The following KIFBP variants were observed in gnomAD, a reference collection of about 807,000 sequenced individuals.
KIFBP encodes the protein KIF-binding protein.
A neutral mutation model predicts 58.9 loss-of-function variants in KIFBP; 46 were observed. The observed-to-expected ratio is 0.78, with a 90% CI of 0.62 to 1.00. The LOEUF (loss-of-function observed/expected upper bound fraction) is 1.00, where lower values mean the gene tolerates loss of function less well. Ranked by LOEUF, KIFBP falls within the 50% of genes least tolerant of loss-of-function variation. The pLI is 0.00. For synonymous variants in KIFBP, 241 were observed against 283.4 expected (o/e 0.85, Z 1.50); for missense variants, 651 against 752.9 (o/e 0.86, Z 1.58).
intron 1 of KIFBP, among the ~76,000 whole-genome samples, chr10:68,998,155 G>C (rs1006604424): frequency 1.1e-4 from 16 of 152,170 alleles, no homozygotes; most frequent in African/African-American, 3.9e-4. Context: ...CATGTTACAT[G>C]TTAGTCAGGC....
At chr10:68,998,508 A>T (rs956159756) in intron 1 of KIFBP, among the ~76,000 whole-genome samples, 2 of 151,572 alleles carry the variant, frequency 1.3e-5, no homozygotes, top group African/African-American at 4.8e-5. Flanking sequence ...TTTTAATAGG[A>T]GATTGGTGAA....
rs566503658 is a variant in KIFBP, at chr10:69,011,151, C to A, written c.990+136C>A. The A allele has an allele frequency of 1.9e-4, 132 of 701,118 alleles. 1 individual carries two copies. The South Asian group carries it at 1.9e-3, about 10-fold the overall frequency. 43.4% of individuals were successfully genotyped at this position (701,118 alleles called of 1,614,324 possible). ...GTGTAGAATGTTTTCGTAAATATTT[C>A]TTTCTTGGTTTTAAATCGTATTCTT... On this transcript the variant is annotated intron_variant, in intron 6 of 6. Transcript: ENST00000361983.
In KIFBP at chr10:69,010,033, G is replaced by A. The variant is rs539439433; in HGVS notation, c.875-867G>A. ...TTATAGATTAGTTGAAGTCTAAGAG[G>A]CACTTGTCTCAAAAAATGAATAAAA... is the stretch of plus-strand genomic sequence containing the variant. On this transcript the variant is annotated intron_variant, in intron 5 of 6. Coordinates refer to ENST00000361983, the MANE Select transcript of KIFBP (RefSeq NM_015634.4). Among the ~76,000 whole-genome samples the A allele has an allele frequency of 3.3e-5, 5 of 152,026 alleles. No homozygotes were observed. In the South Asian group the frequency reaches 8.3e-4, roughly 25 times the overall value.
intron 1 of KIFBP, among the ~76,000 whole-genome samples, chr10:68,998,254 A>G (rs1843427487): frequency 6.6e-6 from 1 of 152,194 alleles, no homozygotes; most frequent in South Asian, 2.1e-4. Context: ...CCCAGCCCAA[A>G]AGATTTTTAA....
chr10:69,002,306 C>T (rs967005860), intron 2 of KIFBP, among the ~76,000 whole-genome samples: 2 of 151,796 alleles, frequency 1.3e-5, no homozygotes, highest in African/African-American at 4.8e-5. Flanking sequence ...ATTATAGGTG[C>T]CCGCCACCAT....
intron 1 of KIFBP, among the ~76,000 whole-genome samples, chr10:68,993,418 A>G (rs56874268): frequency 0.038 from 5,762 of 151,918 alleles, 355 homozygotes; most frequent in African/African-American, 0.13. Context: ...CCCCTCACTA[A>G]TTGTTCACCC....
intron 5 of KIFBP, among the ~76,000 whole-genome samples, chr10:69,010,433 T>G (rs979919178): frequency 1.3e-5 from 2 of 152,198 alleles, no homozygotes; most frequent in Non-Finnish European, 2.9e-5. Flanking sequence ...CTTTGTAGAT[T>G]ACAGCAAGAA....
At chr10:69,001,768 T>C (rs1843468722) in intron 2 of KIFBP, among the ~76,000 whole-genome samples, 2 of 151,644 alleles carry the variant, frequency 1.3e-5, no homozygotes, top group Admixed American at 6.6e-5. Flanking sequence ...AAAAAATCCA[T>C]TAATAAAGTG....
At position 68,989,090 on chromosome 10, in the gene KIFBP, C is replaced by A; in HGVS notation, c.258C>A (p.Pro86=). 2 of 1,610,730 alleles carry A rather than the reference C, an allele frequency of 1.2e-6. No homozygotes were observed. The highest frequency in any genetic ancestry group is 1.7e-6 in the Non-Finnish European group (2 of 1,177,920). ...CTGAGGTGGTGGAGCCCGAGGGGCCCGTCGCCCAGCGAGCGGTGAGGCTGG... is the reference window on the plus strand; with the variant it reads ...CTGAGGTGGTGGAGCCCGAGGGGCCAGTCGCCCAGCGAGCGGTGAGGCTGG... The part of the protein sequence containing the change: ...LPAEVVEPEG[P]VAQRAVRLAV... The change falls in exon 1 of 7, where the codon CCC becomes CCA. Residue 86 remains proline, a synonymous_variant. Coordinates refer to ENST00000361983, the MANE Select transcript of KIFBP (RefSeq NM_015634.4).
At chr10:69,005,609 G>A in intron 3 of KIFBP, 123 bp from the exon 4 acceptor site, 2 of 720,528 alleles carry the variant, frequency 2.8e-6, no homozygotes, top group South Asian at 3.4e-5. Context: ...CCAGGAGGCG[G>A]AGGCAGTGAG....
rs1378274476 is a variant in KIFBP, at chr10:69,016,092, G to C, written c.1542G>C (p.Leu514=). 3 of 1,613,942 alleles carry C rather than the reference G, an allele frequency of 1.9e-6. No homozygotes were observed. The highest frequency in any genetic ancestry group is 2.5e-6 in the Non-Finnish European group (3 of 1,179,964). The change falls in exon 7 of 7, where the codon CTG becomes CTC. Residue 514 remains leucine, a synonymous_variant. Transcript: ENST00000361983. ...KKINNLNKSA[L]KYYQLFLDSL... ...TAAATAATCTTAATAAGTCAGCACTGAAGTACTACCAGCTCTTCTTAGACT... is the reference window on the plus strand; with the variant it reads ...TAAATAATCTTAATAAGTCAGCACTCAAGTACTACCAGCTCTTCTTAGACT...
intron 1 of KIFBP, among the ~76,000 whole-genome samples, chr10:68,996,726 G>A (rs968411770): frequency 6.6e-6 from 1 of 151,646 alleles, no homozygotes; most frequent in Non-Finnish European, 1.5e-5. Context: ...GGTGGCGCAT[G>A]TCTGTAATCC....
chr10:69,011,618 A>C (rs549013928), intron 6 of KIFBP, among the ~76,000 whole-genome samples: 95 of 150,416 alleles, frequency 6.3e-4, no homozygotes, highest in Non-Finnish European at 1.2e-3. Context: ...TCCTGGGCTC[A>C]AGTGATCTTC....
intron 6 of KIFBP, among the ~76,000 whole-genome samples, chr10:69,011,628 C>T (rs1843593004): frequency 6.7e-6 from 1 of 149,540 alleles, no homozygotes. Flanking sequence ...AAGTGATCTT[C>T]CTGCCTTGGC....
chr10:69,013,861 T>C (rs1209319962), intron 6 of KIFBP, among the ~76,000 whole-genome samples: 1 of 152,178 alleles, frequency 6.6e-6, no homozygotes, highest in African/African-American at 2.4e-5. Context: ...GCAGTCCTCC[T>C]ACATCAGCCT....
chr10:69,012,038 G>T (rs1379716677), intron 6 of KIFBP, among the ~76,000 whole-genome samples: 3 of 152,052 alleles, frequency 2.0e-5, no homozygotes, highest in Non-Finnish European at 4.4e-5. Flanking sequence ...CTTACACACA[G>T]CATGGACTTG....
At chr10:68,992,411 A>G (rs757452005) in intron 1 of KIFBP, among the ~76,000 whole-genome samples, 7 of 152,200 alleles carry the variant, frequency 4.6e-5, no homozygotes, top group Non-Finnish European at 8.8e-5. Context: ...GGTTGTAGGC[A>G]TTTTATAATA....
chr10:68,998,416 A>G (rs895184496), intron 1 of KIFBP, among the ~76,000 whole-genome samples: 6 of 150,368 alleles, frequency 4.0e-5, no homozygotes, highest in Admixed American at 6.6e-5. Context: ...TTTTTTTTTC[A>G]TTTCTATTGT....
At chr10:69,014,605 A>G (rs1479843521) in intron 6 of KIFBP, among the ~76,000 whole-genome samples, 1 of 152,146 alleles carries the variant, frequency 6.6e-6, no homozygotes, top group Non-Finnish European at 1.5e-5. Context: ...TTGGTGAGAC[A>G]GTGTCAAGTG....
Sources: gnomAD v4.1 joint callset for allele counts (sites outside exome capture counted in the v4.1 genomes callset) on GRCh38, gnomAD v4.1.1 for gene constraint, MANE v1.5 for transcripts, NCBI Gene and HGNC (gene_info 2026-07-23, HGNC 2026-07-21) for gene names.